The following HEMK2 variants were observed in gnomAD, a reference collection of about 807,000 sequenced individuals.
HEMK2 encodes HemK methyltransferase 2, ETF1 glutamine and histone H4 lysine, also known as methyltransferase HEMK2.
the HEMK2 span, among the ~76,000 whole-genome samples, chr21:28,684,149 A>G: frequency 1.3e-5 from 2 of 152,192 alleles, no homozygotes; most frequent in Non-Finnish European, 2.9e-5. Flanking sequence ...CAGAAACAAT[A>G]CTGGTGATTC....
chr21:28,740,125 T>A, the HEMK2 span, among the ~76,000 whole-genome samples: 1 of 152,250 alleles, frequency 6.6e-6, no homozygotes, highest in East Asian at 1.9e-4. Flanking sequence ...ACCCAGTGTA[T>A]GTTTTTCATG....
chr21:28,644,413 A>G, the HEMK2 span, among the ~76,000 whole-genome samples: 1 of 152,094 alleles, frequency 6.6e-6, no homozygotes, highest in Non-Finnish European at 1.5e-5. Flanking sequence ...TTGGGTGGGG[A>G]CACAGCAAAA....
chr21:28,601,609 T>TCTCG, the HEMK2 span, among the ~76,000 whole-genome samples: 1 of 88,230 alleles, frequency 1.1e-5, no homozygotes, highest in Non-Finnish European at 2.3e-5. Context: ...CTGACATCTC[T>TCTCG]CTCTCTCTCT....
chr21:28,736,263 T>C, the HEMK2 span, among the ~76,000 whole-genome samples: 1 of 152,184 alleles, frequency 6.6e-6, no homozygotes, highest in African/African-American at 2.4e-5. Context: ...GCAAGAAATG[T>C]CAGGCCCACA....
chr21:28,749,211 G>T, the HEMK2 span, among the ~76,000 whole-genome samples: 1 of 151,942 alleles, frequency 6.6e-6, no homozygotes, highest in Non-Finnish European at 1.5e-5. Flanking sequence ...AATATGACTA[G>T]GAACAAGGAG....
At chr21:28,681,806 T>C in the HEMK2 span, among the ~76,000 whole-genome samples, 5 of 152,078 alleles carry the variant, frequency 3.3e-5, no homozygotes, top group Non-Finnish European at 7.3e-5. Flanking sequence ...GGGGAAATGA[T>C]TCCCTATTTA....
At chr21:28,776,765 T>C in the HEMK2 span, among the ~76,000 whole-genome samples, 5 of 152,118 alleles carry the variant, frequency 3.3e-5, no homozygotes, top group East Asian at 1.9e-4. Flanking sequence ...TGGAGTCCAA[T>C]GTTCAAGGGC....
chr21:28,847,237 C>T, the HEMK2 span, among the ~76,000 whole-genome samples: 1 of 152,198 alleles, frequency 6.6e-6, no homozygotes, highest in South Asian at 2.1e-4. Flanking sequence ...TATATTCCCA[C>T]CAGCAATGTA....
the HEMK2 span, among the ~76,000 whole-genome samples, chr21:28,783,088 G>T: frequency 6.6e-6 from 1 of 151,944 alleles, no homozygotes; most frequent in African/African-American, 2.4e-5. Context: ...TTCAGATTTT[G>T]GAATATTTGC....
chr21:28,747,260 G>A, the HEMK2 span, among the ~76,000 whole-genome samples: 1 of 152,212 alleles, frequency 6.6e-6, no homozygotes, highest in Non-Finnish European at 1.5e-5. Flanking sequence ...GTCCTGCAAG[G>A]CCCGGATGGA....
At chr21:28,680,070 T>C in the HEMK2 span, among the ~76,000 whole-genome samples, 1 of 152,072 alleles carries the variant, frequency 6.6e-6, no homozygotes. Context: ...CTGAAGGAAA[T>C]AGAGACATAA....
At chr21:28,597,797 G>A in the HEMK2 span, among the ~76,000 whole-genome samples, 9 of 152,168 alleles carry the variant, frequency 5.9e-5, no homozygotes, top group African/African-American at 2.2e-4. Context: ...AGGGAGATGG[G>A]ATGAGGTTTT....
the HEMK2 span, among the ~76,000 whole-genome samples, chr21:28,722,986 A>G: frequency 6.6e-6 from 1 of 151,672 alleles, no homozygotes; most frequent in Non-Finnish European, 1.5e-5. Context: ...AGAACTCCAT[A>G]CAGGCCTTGT....
At chr21:28,655,658 G>C in the HEMK2 span, among the ~76,000 whole-genome samples, 2 of 151,872 alleles carry the variant, frequency 1.3e-5, no homozygotes, top group African/African-American at 4.8e-5. Flanking sequence ...GTAAGATAAG[G>C]ATAATAATAT....
At chr21:28,764,873 A>C in the HEMK2 span, among the ~76,000 whole-genome samples, 7 of 142,284 alleles carry the variant, frequency 4.9e-5, no homozygotes, top group Non-Finnish European at 9.1e-5. Context: ...GAGTATTACT[A>C]GTTTTTCAGT....
chr21:28,790,807 G>T, the HEMK2 span, among the ~76,000 whole-genome samples: 3 of 127,564 alleles, frequency 2.4e-5, no homozygotes, highest in African/African-American at 9.0e-5. Flanking sequence ...ACAGGAAGGG[G>T]AACATCACAC....
chr21:28,748,192 C>A, the HEMK2 span, among the ~76,000 whole-genome samples: 1 of 152,218 alleles, frequency 6.6e-6, no homozygotes, highest in Non-Finnish European at 1.5e-5. Flanking sequence ...CAGGATCATT[C>A]AAACCCCAAG....
the HEMK2 span, among the ~76,000 whole-genome samples, chr21:28,843,025 C>G: frequency 6.6e-6 from 1 of 152,076 alleles, no homozygotes; most frequent in East Asian, 1.9e-4. Flanking sequence ...TTTGTAACTA[C>G]TTATATTTAG....
the HEMK2 span, among the ~76,000 whole-genome samples, chr21:28,656,512 G>A: frequency 2.6e-5 from 4 of 151,896 alleles, no homozygotes; most frequent in African/African-American, 9.7e-5. Context: ...AGGGCTCTTG[G>A]TGGTGGTGCC....
Sources: gnomAD v4.1 joint callset for allele counts (sites outside exome capture counted in the v4.1 genomes callset) on GRCh38, gnomAD v4.1.1 for gene constraint, MANE v1.5 for transcripts, NCBI Gene and HGNC (gene_info 2026-07-23, HGNC 2026-07-21) for gene names.